PCDH15: variants seen among roughly 807,000 people sequenced by gnomAD.
The protein encoded by PCDH15 is protocadherin-15.
PCDH15 carries 129 observed loss-of-function variants against 178.5 expected under a neutral mutation model. The ratio of observed to expected loss-of-function variants is 0.72; its 90% CI spans 0.63 to 0.84. The LOEUF (loss-of-function observed/expected upper bound fraction) is 0.84, where lower values mean the gene tolerates loss of function less well. Among genes scored for constraint, PCDH15 ranks in the 40% least tolerant of loss-of-function variants. The pLI is 0.00. For synonymous variants in PCDH15, 800 were observed against 732.0 expected, an observed-to-expected ratio of 1.09 and a Z score of -1.50; for missense variants, 2,230 against 2,099.9, an observed-to-expected ratio of 1.06 and a Z score of -1.21.
At chr10:54,781,042 T>C (rs1161957543) in intron 1 of PCDH15, among the ~76,000 whole-genome samples, 1 of 152,158 alleles carries the variant, frequency 6.6e-6, no homozygotes, top group Non-Finnish European at 1.5e-5. Flanking sequence ...TTCTATTTTA[T>C]TACCTCTACC....
chr10:54,589,215 C>A (rs988433756), intron 2 of PCDH15, among the ~76,000 whole-genome samples: 3 of 152,104 alleles, frequency 2.0e-5, no homozygotes. Context: ...TAGCAATCTA[C>A]CCTTCATTTA....
intron 3 of PCDH15, among the ~76,000 whole-genome samples, chr10:54,854,411 A>C (rs1953698227): frequency 6.6e-6 from 1 of 152,164 alleles, no homozygotes; most frequent in Non-Finnish European, 1.5e-5. Flanking sequence ...CACGGTAACC[A>C]AGTTATTGTC....
intron 23 of PCDH15, among the ~76,000 whole-genome samples, chr10:53,951,766 G>A (rs970491055): frequency 2.0e-5 from 3 of 152,184 alleles, no homozygotes; most frequent in Non-Finnish European, 2.9e-5. Context: ...CACCCACTCA[G>A]CCTGGCAGGC....
At chr10:54,634,923 A>T (rs2093806927) in intron 2 of PCDH15, among the ~76,000 whole-genome samples, 1 of 151,756 alleles carries the variant, frequency 6.6e-6, no homozygotes. Context: ...AGATAATATT[A>T]TAAAGGTGAT....
intron 2 of PCDH15, among the ~76,000 whole-genome samples, chr10:55,612,168 A>G (rs965938638): frequency 6.6e-6 from 1 of 152,138 alleles, no homozygotes; most frequent in Non-Finnish European, 1.5e-5. Context: ...CTAAAAGAGT[A>G]TATTTTAAGT....
At chr10:54,371,341 T>C (rs1433279593) in intron 4 of PCDH15, among the ~76,000 whole-genome samples, 1 of 151,816 alleles carries the variant, frequency 6.6e-6, no homozygotes, top group African/African-American at 2.4e-5. Context: ...CACTAATGCA[T>C]ACTGTACATT....
intron 2 of PCDH15, among the ~76,000 whole-genome samples, chr10:55,385,091 T>C (rs182076033): frequency 2.0e-5 from 3 of 152,216 alleles, no homozygotes; most frequent in Admixed American, 1.3e-4. Context: ...CATACCATTA[T>C]GATAAAACTC....
chr10:54,987,803 G>A (rs572735366), intron 2 of PCDH15, among the ~76,000 whole-genome samples: 1 of 150,518 alleles, frequency 6.6e-6, no homozygotes, highest in Non-Finnish European at 1.5e-5. Context: ...TTTTCCCCAC[G>A]CTGTAGGTTG....
chr10:55,240,388 T>C (rs1386216796), intron 1 of PCDH15, among the ~76,000 whole-genome samples: 1 of 152,284 alleles, frequency 6.6e-6, no homozygotes, highest in African/African-American at 2.4e-5. Context: ...ACCAACAAAA[T>C]TATTGTCCAT....
intron 1 of PCDH15, among the ~76,000 whole-genome samples, chr10:55,171,227 A>C (rs953632644): frequency 2.6e-5 from 4 of 152,194 alleles, no homozygotes; most frequent in African/African-American, 9.6e-5. Context: ...AGTCATGTCA[A>C]AATTAATATG....
chr10:54,217,873 C>A (rs1475447618), intron 9 of PCDH15, among the ~76,000 whole-genome samples: 1 of 152,092 alleles, frequency 6.6e-6, no homozygotes, highest in Non-Finnish European at 1.5e-5. Context: ...AATTCCGAGA[C>A]TACTAAACTG....
intron 2 of PCDH15, among the ~76,000 whole-genome samples, chr10:55,459,069 G>C (rs1839613886): frequency 6.6e-6 from 1 of 151,836 alleles, no homozygotes; most frequent in Non-Finnish European, 1.5e-5. Flanking sequence ...TTAAGAACCA[G>C]ATAAAGGGAA....
intron 20 of PCDH15, among the ~76,000 whole-genome samples, chr10:53,997,754 A>G (rs891810542): frequency 3.3e-5 from 5 of 152,228 alleles, no homozygotes; most frequent in African/African-American, 1.2e-4. Context: ...CTGATTAGAC[A>G]CACACCTAAG....
intron 25 of PCDH15, among the ~76,000 whole-genome samples, chr10:53,927,730 C>T (rs74777526): frequency 0.011 from 1,742 of 152,178 alleles, 39 homozygotes; most frequent in African/African-American, 0.04. Context: ...GTTATCTATA[C>T]TATTCTCTTC....
chr10:54,905,225 T>G (rs1447038171), intron 2 of PCDH15, among the ~76,000 whole-genome samples: 2 of 152,200 alleles, frequency 1.3e-5, no homozygotes, highest in East Asian at 3.9e-4. Flanking sequence ...AAGTATTTCT[T>G]TTTATTTTCT....
chr10:54,852,878 A>AATAAAATAAC (rs1347471256), intron 3 of PCDH15, among the ~76,000 whole-genome samples: 1 of 151,348 alleles, frequency 6.6e-6, no homozygotes, highest in Non-Finnish European at 1.5e-5. Flanking sequence ...AATAAAATAA[A>AATAAAATAAC]ATAAAATAAA....
chr10:54,732,064 A>G (rs1294365987), intron 1 of PCDH15, among the ~76,000 whole-genome samples: 1 of 151,104 alleles, frequency 6.6e-6, no homozygotes, highest in Non-Finnish European at 1.5e-5. Context: ...AAATATGTAC[A>G]TCTATTATGA....
intron 1 of PCDH15, among the ~76,000 whole-genome samples, chr10:54,736,622 T>C (rs1437595570): frequency 2.0e-5 from 3 of 152,092 alleles, no homozygotes; most frequent in African/African-American, 7.2e-5. Flanking sequence ...TTGTGTGTAG[T>C]TTTTGTATGA....
rs116821255 is a variant in PCDH15 at position 55,285,257 on chromosome 10, C to T, written c.-156+34342G>A. The stretch of plus-strand genomic sequence containing the variant: ...TATAAATACAATATATTTATTTATA[C>T]AGTTTCTGCAGACATAAAATCGATT... On this transcript the variant is annotated intron_variant, in intron 1 of 5. Transcript: ENST00000458638. Among the ~76,000 whole-genome samples, 1,377 of 149,458 alleles carry T rather than the reference C, an allele frequency of 9.2e-3. 19 individuals are homozygous for T. Among genetic ancestry groups the T allele is most frequent in the African/African-American group, 0.031 (1,251 of 40,774 alleles).
Sources: allele counts gnomAD v4.1 joint callset (sites outside exome capture counted in the v4.1 genomes callset), GRCh38; gene constraint gnomAD v4.1.1; transcripts MANE v1.5; gene names NCBI Gene and HGNC (gene_info 2026-07-23, HGNC 2026-07-21).